The following CACNB1 variants were observed in gnomAD, a reference collection of about 807,000 sequenced individuals.
The protein encoded by CACNB1 is calcium voltage-gated channel auxiliary subunit beta 1, also known as voltage-dependent L-type calcium channel subunit beta-1.
A neutral mutation model predicts 71.6 loss-of-function variants in CACNB1; 29 were observed. That is an observed-to-expected ratio of 0.40 (90% CI 0.30 to 0.55). The LOEUF (loss-of-function observed/expected upper bound fraction) is 0.55, where lower values mean the gene tolerates loss of function less well. Among genes scored for constraint, CACNB1 ranks in the 20% least tolerant of loss-of-function variants. CACNB1 has a pLI of 0.38. For missense variants in CACNB1, 623 were observed against 801.8 expected (o/e 0.78, Z 2.69); for synonymous variants, 300 against 319.6 (o/e 0.94, Z 0.65).
At chr17:39,195,494 T>A (rs1046054306) in intron 1 of CACNB1, among the ~76,000 whole-genome samples, 2 of 152,064 alleles carry the variant, frequency 1.3e-5, no homozygotes, top group African/African-American at 2.4e-5. Flanking sequence ...TGTGCCCAAC[T>A]CTTCCCTTCG....
Position 39,186,708 on chromosome 17 carries a change from C to T in CACNB1, c.551+85G>A. 1.3e-6 allele frequency: 2 copies of T among 1,573,272 alleles called. No homozygotes were observed. The highest frequency in any genetic ancestry group is 8.7e-7 in the Non-Finnish European group (1 of 1,148,426). On this transcript the variant is annotated intron_variant, in intron 5 of 13. Transcript: ENST00000394303. This position sits in a 1 kb window ranked among gnomAD's most constrained non-coding sequence, Gnocchi z 4.1. ...ACAGGCAGCTCTGTGCCCTCAGGGC[C>T]AGGGACAACCATTGAGGCCTAGTCC...
At chr17:39,191,920 A>G in intron 2 of CACNB1, 1 of 344,712 alleles carries the variant, frequency 2.9e-6, no homozygotes, top group Non-Finnish European at 5.3e-6. Context: ...ACGAGTCTCT[A>G]CTCCCACTGC....
intron 12 of CACNB1, 32 bp from the exon 13 acceptor site, chr17:39,177,567 GAT>G: frequency 6.5e-7 from 1 of 1,547,836 alleles, no homozygotes. Flanking sequence ...GCAGGGCTGG[GAT>G]GAGTGGGGCA....
chr17:39,191,609 G>A lies in CACNB1; in HGVS notation c.172-16C>T, dbSNP rs1212631142. ...CCGCTGAGCCCTGAAAATAGAGAGA[G>A]CCAGATCAGGGCCATTGCTGCCCCT... On this transcript the variant is annotated splice_polypyrimidine_tract_variant and intron_variant, in intron 2 of 13. Coordinates refer to ENST00000394303, the MANE Select transcript of CACNB1 (RefSeq NM_000723.5). The A allele has an allele frequency of 1.2e-6, 2 of 1,607,766 alleles. No individual in the cohort carries two copies. Among genetic ancestry groups the A allele is most frequent in the South Asian group, 1.1e-5 (1 of 90,050 alleles).
chr17:39,194,866 G>T lies in CACNB1; in HGVS notation c.171+18C>A. 6.3e-7 allele frequency: 1 copy of T among 1,575,022 alleles called. No individual in the cohort carries two copies. Among genetic ancestry groups the T allele is most frequent in the Non-Finnish European group, 8.7e-7 (1 of 1,147,452 alleles). ...CCAACCAGCCACCTCCCTCCTCTCC[G>T]CCCAGCCTCCCCATTACCTGGCGGA... On this transcript the variant is annotated intron_variant, in intron 2 of 13. Coordinates refer to ENST00000394303, the MANE Select transcript of CACNB1 (RefSeq NM_000723.5). This position sits in a 1 kb window ranked among gnomAD's most constrained non-coding sequence, Gnocchi z 4.6.
At chr17:39,195,116 A>ATGTG in intron 1 of CACNB1, 146 bp from the exon 2 acceptor site, 1 of 600,270 alleles carries the variant, frequency 1.7e-6, no homozygotes. Flanking sequence ...CTGAGGTGGT[A>ATGTG]CGACCCAAGG....
At position 39,175,337 on chromosome 17, in the gene CACNB1, C is replaced by G. The variant is rs2045549751; in HGVS notation, c.1653G>C (p.Glu551Asp). 1 of 1,614,110 alleles carries G rather than the reference C, an allele frequency of 6.2e-7. No homozygotes were observed. The highest frequency in any genetic ancestry group is 1.1e-5 in the South Asian group (1 of 91,092). ...PPARQGSWED[E>D]EEDYEEELTD... is the part of the protein sequence containing the mutation. Reference sequence around the variant, plus strand: ...TCAGCTCTTCCTCATAGTCTTCTTCCTCGTCCTCCCAGGATCCCTGTCGGG... The same window carrying G: ...TCAGCTCTTCCTCATAGTCTTCTTCGTCGTCCTCCCAGGATCCCTGTCGGG... Residue 551 changes from glutamate (E) to aspartate (D), a missense_variant, in exon 14 of 14, where the codon GAG becomes GAC. By Grantham distance (45) the Glu-to-Asp change is conservative. Coordinates refer to ENST00000394303, the MANE Select transcript of CACNB1 (RefSeq NM_000723.5). This position sits in a 1 kb window ranked among gnomAD's most constrained non-coding sequence, Gnocchi z 4.7.
rs2045557007 is a variant in CACNB1 at position 39,175,551 on chromosome 17, G to A, written c.1439C>T (p.Pro480Leu). The A allele has an allele frequency of 1.2e-6, 2 of 1,613,734 alleles. No individual in the cohort carries two copies. The highest frequency in any genetic ancestry group is 1.7e-6 in the Non-Finnish European group (2 of 1,179,924). The change falls in exon 14 of 14, where the codon CCC becomes CTC. Residue 480 changes from proline (P) to leucine (L), a missense_variant. Transcript: ENST00000394303. The surrounding 1 kb of genome is among the most constrained non-coding windows in gnomAD (Gnocchi z 4.7). ...TGCCCGGCCTGGTGGGTGGCTGCTGGGGTAAAGGCCTGGGGGCTGGCCCAG... is the reference window on the plus strand; with the variant it reads ...TGCCCGGCCTGGTGGGTGGCTGCTGAGGTAAAGGCCTGGGGGCTGGCCCAG... ...GELGQPPGLY[P>L]SSHPPGRAGT... is the part of the protein sequence containing the mutation.
At chr17:39,180,461 C>G (rs2045725031) in intron 11 of CACNB1, among the ~76,000 whole-genome samples, 1 of 151,724 alleles carries the variant, frequency 6.6e-6, no homozygotes, top group Non-Finnish European at 1.5e-5. Flanking sequence ...TCGAGACCAG[C>G]CTGGCCAACA....
In CACNB1 at chr17:39,175,150, C is replaced by A; in HGVS notation, c.*43G>T. ...GTGAGCCCCTCGCTCCCTCCCCTCC[C>A]CTGGGCTCAGAGCCCTTCCTCCCGC... On this transcript the variant is annotated 3_prime_UTR_variant, in exon 14 of 14. Transcript: ENST00000394303. The surrounding 1 kb of genome is among the most constrained non-coding windows in gnomAD (Gnocchi z 4.7). 1 of 1,507,902 alleles carries A rather than the reference C, an allele frequency of 6.6e-7. No homozygotes were observed. The highest frequency in any genetic ancestry group is 9.1e-7 in the Non-Finnish European group (1 of 1,102,470). The allele number at this position is 1,507,902 out of a possible 1,614,324, so 93.4% of individuals were successfully genotyped here.
rs905506200 is a variant in CACNB1 at position 39,194,370 on chromosome 17, C to T, written c.171+514G>A. Among the ~76,000 whole-genome samples, 1 of 152,104 alleles carries T rather than the reference C, an allele frequency of 6.6e-6. No individual in the cohort carries two copies. The highest frequency in any genetic ancestry group is 1.5e-5 in the Non-Finnish European group (1 of 68,028). ...CAACAGCCTCATGCCTCAACCACCC[C>T]CACCCCCGTCACCATCACCCTTTCT... On this transcript the variant is annotated intron_variant, in intron 2 of 13. Transcript: ENST00000394303. The surrounding 1 kb of genome is among the most constrained non-coding windows in gnomAD (Gnocchi z 4.6).
intron 10 of CACNB1, 40 bp downstream of exon 10, chr17:39,183,991 G>T: frequency 6.4e-7 from 1 of 1,555,014 alleles, no homozygotes; most frequent in Non-Finnish European, 8.9e-7. Context: ...CCCACATCCG[G>T]CCCAGAAAGG....
At chr17:39,179,776 G>C (rs771485777) in intron 11 of CACNB1, among the ~76,000 whole-genome samples, 3 of 151,938 alleles carry the variant, frequency 2.0e-5, no homozygotes, top group African/African-American at 7.3e-5. Context: ...TGGCGTGGTA[G>C]CACATGCCTG....
intron 10 of CACNB1, 62 bp downstream of exon 10, chr17:39,183,969 C>T: frequency 6.6e-7 from 1 of 1,525,130 alleles, no homozygotes; most frequent in Non-Finnish European, 9.1e-7. Flanking sequence ...ACCTCCCACA[C>T]CTCCCACCCC....
intron 11 of CACNB1, 101 bp downstream of exon 11, chr17:39,183,612 A>C: frequency 1.1e-6 from 1 of 952,316 alleles, no homozygotes; most frequent in Non-Finnish European, 1.5e-6. Context: ...AGACTCAGGC[A>C]GATTAATTCA....
At chr17:39,178,236 C>T (rs986984619) in intron 11 of CACNB1, 157 bp from the exon 12 acceptor site, 3 of 621,422 alleles carry the variant, frequency 4.8e-6, no homozygotes, top group African/African-American at 3.7e-5. Flanking sequence ...GCAGAAAGGA[C>T]CTCAGCAGCC....
chr17:39,179,213 A>G (rs1396303545), intron 11 of CACNB1, among the ~76,000 whole-genome samples: 1 of 148,528 alleles, frequency 6.7e-6, no homozygotes, highest in African/African-American at 2.5e-5. Context: ...GAATGGAGGC[A>G]GAGCTTGCAG....
intron 3 of CACNB1, among the ~76,000 whole-genome samples, chr17:39,188,176 A>G (rs2144148694): frequency 6.6e-6 from 1 of 152,174 alleles, no homozygotes; most frequent in African/African-American, 2.4e-5. Context: ...CCAGCTACTC[A>G]GGGGGCTGAG....
chr17:39,178,661 G>A (rs1191592685), intron 11 of CACNB1, among the ~76,000 whole-genome samples: 1 of 152,034 alleles, frequency 6.6e-6, no homozygotes, highest in Non-Finnish European at 1.5e-5. Flanking sequence ...GGGATTATAG[G>A]CGTGAGTCAC....
Sources: allele counts gnomAD v4.1 joint callset (sites outside exome capture counted in the v4.1 genomes callset), GRCh38; gene constraint gnomAD v4.1.1; non-coding constraint Gnocchi (gnomAD v3.1); transcripts MANE v1.5; gene names NCBI Gene and HGNC (gene_info 2026-07-23, HGNC 2026-07-21).